SLC35D2: variants seen among roughly 807,000 people sequenced by gnomAD.
SLC35D2 encodes solute carrier family 35 member D2.
A neutral mutation model predicts 41.8 loss-of-function variants in SLC35D2; 43 were observed. The observed-to-expected ratio is 1.03, with a 90% CI of 0.81 to 1.33. The LOEUF is 1.33. Ranked by LOEUF, SLC35D2 falls within the 40% of genes most tolerant of loss-of-function variation. The pLI is 0.00. For synonymous variants in SLC35D2, 150 were observed against 163.9 expected, an observed-to-expected ratio of 0.92 and a Z score of 0.65; for missense variants, 380 against 408.4, an observed-to-expected ratio of 0.93 and a Z score of 0.60.
chr9:96,345,762 C>T (rs1829547508), intron 6 of SLC35D2, among the ~76,000 whole-genome samples: 2 of 152,190 alleles, frequency 1.3e-5, no homozygotes, highest in Admixed American at 1.3e-4. Flanking sequence ...TTGTAGTGAA[C>T]AGGGCCACCT....
intron 6 of SLC35D2, 131 bp downstream of exon 6, chr9:96,350,972 C>T: frequency 1.4e-6 from 1 of 690,202 alleles, no homozygotes; most frequent in Non-Finnish European, 2.5e-6. Flanking sequence ...ATTCCACTAA[C>T]TTCAACAGAT....
intron 3 of SLC35D2, among the ~76,000 whole-genome samples, chr9:96,363,366 G>C (rs1290464144): frequency 6.6e-6 from 1 of 152,164 alleles, no homozygotes; most frequent in Non-Finnish European, 1.5e-5. Context: ...TCCAGTGCTA[G>C]ATGCTGGCAT....
chr9:96,365,274 C>T (rs1056952402), intron 2 of SLC35D2, among the ~76,000 whole-genome samples: 4 of 151,324 alleles, frequency 2.6e-5, no homozygotes, highest in Non-Finnish European at 5.9e-5. Flanking sequence ...CACCTGAGCC[C>T]GGAAAGTCAA....
intron 8 of SLC35D2, among the ~76,000 whole-genome samples, chr9:96,339,114 G>A (rs1829188058): frequency 6.6e-6 from 1 of 151,884 alleles, no homozygotes; most frequent in Admixed American, 6.6e-5. Flanking sequence ...CCTAAATTTT[G>A]TTTTGTTTTT....
At chr9:96,368,392 A>G in intron 1 of SLC35D2, 87 bp from the exon 2 acceptor site, 2 of 988,082 alleles carry the variant, frequency 2.0e-6, no homozygotes, top group Non-Finnish European at 3.0e-6. Flanking sequence ...GTTATTAAAC[A>G]ATCTGAGAAA....
Position 96,345,294 on chromosome 9 carries a change from G to A in SLC35D2, c.591+5C>T, listed in dbSNP as rs1430129043. The A allele has an allele frequency of 6.4e-7, 1 of 1,551,638 alleles. No homozygotes were observed. Among genetic ancestry groups the A allele is most frequent in the Non-Finnish European group, 8.9e-7 (1 of 1,128,706 alleles). On this transcript the variant is annotated splice_donor_5th_base_variant and intron_variant, in intron 7 of 11. Coordinates refer to ENST00000253270, the MANE Select transcript of SLC35D2 (RefSeq NM_007001.3). ...AGCCAAAAAGCCATAGGCAAGGTCTGGTACCTTTGGGTCCATTTTCTGTTT... is the reference window on the plus strand; with the variant it reads ...AGCCAAAAAGCCATAGGCAAGGTCTAGTACCTTTGGGTCCATTTTCTGTTT...
chr9:96,321,438 C>A (rs377528009), intron 11 of SLC35D2, 97 bp from the exon 12 acceptor site: 8 of 761,338 alleles, frequency 1.1e-5, no homozygotes, highest in Middle Eastern at 2.3e-4. Context: ...CTGCTTCATG[C>A]GGAGGGAATT....
At chr9:96,330,195 AT>A (rs1828743085) in intron 9 of SLC35D2, among the ~76,000 whole-genome samples, 1 of 152,214 alleles carries the variant, frequency 6.6e-6, no homozygotes, top group Admixed American at 6.5e-5. Context: ...TCGCCTCTGT[AT>A]TTGATCTCTC....
intron 3 of SLC35D2, among the ~76,000 whole-genome samples, chr9:96,363,314 G>C (rs1182763353): frequency 1.3e-5 from 2 of 152,094 alleles, no homozygotes; most frequent in African/African-American, 4.8e-5. Flanking sequence ...CCTGATTACT[G>C]ATGCTGTAAG....
In SLC35D2 at chr9:96,343,900, TCA is replaced by T. The variant is rs1347675308; in HGVS notation, c.684+2_684+3del. The T allele has an allele frequency of 1.3e-6, 2 of 1,525,640 alleles. No homozygotes were observed. Among genetic ancestry groups the T allele is most frequent in the African/African-American group, 2.9e-5 (2 of 69,852 alleles). 94.5% of individuals were successfully genotyped at this position (1,525,640 alleles called of 1,614,324 possible). A position where few individuals can be genotyped will look rare whatever the true frequency, so the allele number is the denominator to read the frequency against. Reference sequence around the variant, plus strand: ...GAAAACTGTAATGATTGTCATCAGCTCACCTGTTGCAGGTCTCCAGTGGAGAC... The same window carrying T: ...GAAAACTGTAATGATTGTCATCAGCTCCTGTTGCAGGTCTCCAGTGGAGAC... On this transcript the variant is annotated splice_donor_variant and splice_donor_region_variant and intron_variant, in intron 8 of 11. Coordinates refer to ENST00000253270, the MANE Select transcript of SLC35D2 (RefSeq NM_007001.3). LOFTEE classifies it high-confidence loss of function.
chr9:96,321,348 G>GGA lies in SLC35D2; in HGVS notation c.915-9_915-8dup, dbSNP rs1564081035. ...TCTCAAGCCCCCTGCCATGCTGAAA[G>GGA]GAGAAAAAAAAGTGAAAATAAATGA... is the stretch of plus-strand genomic sequence containing the variant. On this transcript the variant is annotated splice_polypyrimidine_tract_variant and splice_region_variant and intron_variant, in intron 11 of 11. Transcript: ENST00000253270. 6.2e-7 allele frequency: 1 copy of GGA among 1,604,632 alleles called. No homozygotes were observed. Among genetic ancestry groups the GGA allele is most frequent in the Non-Finnish European group, 8.5e-7 (1 of 1,175,152 alleles).
At chr9:96,360,054 T>C in intron 4 of SLC35D2, 100 bp downstream of exon 4, 2 of 719,660 alleles carry the variant, frequency 2.8e-6, no homozygotes, top group South Asian at 2.0e-5. Flanking sequence ...CTTCTATATA[T>C]GGTACAAGCA....
intron 4 of SLC35D2, 37 bp from the exon 5 acceptor site, chr9:96,352,146 G>C (rs1413302974): frequency 2.1e-6 from 3 of 1,457,066 alleles, no homozygotes; most frequent in South Asian, 2.4e-5. Flanking sequence ...AGACACCAAG[G>C]GTTGGTTGAT....
At position 96,342,548 on chromosome 9, in the gene SLC35D2, A is replaced by G. The variant is rs76047931; in HGVS notation, c.684+1356T>C. On this transcript the variant is annotated intron_variant, in intron 8 of 11. Coordinates refer to ENST00000253270, the MANE Select transcript of SLC35D2 (RefSeq NM_007001.3). Reference sequence around the variant, plus strand: ...GTATCATGCCCTGCTCATTCTTACTAGAGAGGTGCAGGTGCCCGCTTTATC... The same window carrying G: ...GTATCATGCCCTGCTCATTCTTACTGGAGAGGTGCAGGTGCCCGCTTTATC... Among the ~76,000 whole-genome samples the G allele has an allele frequency of 3.0e-3, 464 of 152,344 alleles. 10 individuals carry two copies. The highest frequency in any genetic ancestry group is 0.023 in the Admixed American group (346 of 15,312).
chr9:96,323,973 G>T, intron 10 of SLC35D2, 118 bp downstream of exon 10: 1 of 794,668 alleles, frequency 1.3e-6, no homozygotes, highest in Non-Finnish European at 2.1e-6. Context: ...AGCTGAAAAG[G>T]TCACAGCCCT....
chr9:96,351,032 C>T, intron 6 of SLC35D2, 71 bp downstream of exon 6: 1 of 1,156,936 alleles, frequency 8.6e-7, no homozygotes, highest in Non-Finnish European at 1.3e-6. Flanking sequence ...AAATGAAAAA[C>T]TGAGGATGGG....
intron 11 of SLC35D2, among the ~76,000 whole-genome samples, chr9:96,315,368 C>T (rs959317385): frequency 3.3e-5 from 5 of 151,964 alleles, no homozygotes. Flanking sequence ...GCAATCCATC[C>T]GCCTGCTTTG....
At position 96,327,212 on chromosome 9, in the gene SLC35D2, C is replaced by T. The variant is rs571104986; in HGVS notation, c.753-3043G>A. ...CAACTCCAGGGTTCCAATCATGCAA[C>T]ATTTTCTCCATCCTCCATTTTTCTT... is the stretch of plus-strand genomic sequence containing the variant. On this transcript the variant is annotated intron_variant, in intron 9 of 11. Transcript: ENST00000253270. Among the ~76,000 whole-genome samples the T allele has an allele frequency of 7.9e-5, 12 of 152,336 alleles. No homozygotes were observed. The South Asian group carries it at 2.3e-3, about 29-fold the overall frequency.
In SLC35D2 at chr9:96,335,657, T is replaced by C. The variant is rs563336462; in HGVS notation, c.752+1060A>G. On this transcript the variant is annotated intron_variant, in intron 9 of 11. Transcript: ENST00000253270. ...TGCACCTTTTTAATGATTTCCTAGT[T>C]GCATGTATCACCTATTCATGCAAAG... Among the ~76,000 whole-genome samples, 3 of 152,290 alleles carry C rather than the reference T, an allele frequency of 2.0e-5. No homozygotes were observed. The South Asian group carries it at 6.2e-4, about 32-fold the overall frequency.
Sources: allele counts gnomAD v4.1 joint callset (sites outside exome capture counted in the v4.1 genomes callset), GRCh38; gene constraint gnomAD v4.1.1; transcripts MANE v1.5; gene names NCBI Gene and HGNC (gene_info 2026-07-23, HGNC 2026-07-21).